The following TTC14 variants were observed in gnomAD, a reference collection of about 807,000 sequenced individuals.
The protein encoded by TTC14 is tetratricopeptide repeat protein 14.
In TTC14, 63 loss-of-function variants were observed where a neutral mutation model predicts 79.9. The observed-to-expected ratio is 0.79, with a 90% CI of 0.64 to 0.97. The LOEUF (loss-of-function observed/expected upper bound fraction) is 0.97, where lower values mean the gene tolerates loss of function less well. Ranked by LOEUF, TTC14 falls within the 50% of genes least tolerant of loss-of-function variation. The probability of loss-of-function intolerance (pLI) is 0.00; values close to 1 mark genes in which losing one functional copy is unlikely to be tolerated. For synonymous variants in TTC14, 335 were observed against 309.6 expected, an observed-to-expected ratio of 1.08 and a Z score of -0.86; for missense variants, 895 against 894.0, an observed-to-expected ratio of 1.00 and a Z score of -0.01.
At chr3:180,605,483 G>A (rs534610746) in intron 6 of TTC14, 108 of 252,414 alleles carry the variant, frequency 4.3e-4, no homozygotes, top group African/African-American at 2.0e-3. Context: ...GGGTTTCACC[G>A]TGTTAGCCAG....
At chr3:180,606,626 T>C in intron 9 of TTC14, 23 bp downstream of exon 9, 4 of 1,599,640 alleles carry the variant, frequency 2.5e-6, no homozygotes, top group Non-Finnish European at 3.4e-6. Flanking sequence ...TTTTGTTTAA[T>C]AGTGGAGGTC....
chr3:180,609,429 A>G (rs923147543), intron 11 of TTC14: 1 of 1,282,138 alleles, frequency 7.8e-7, no homozygotes, highest in Non-Finnish European at 9.8e-7. Flanking sequence ...ATTTGCTTAC[A>G]ATGATACCTG....
At position 180,602,312 on chromosome 3, in the gene TTC14, GCTCT is replaced by G. The variant is rs1560069377; in HGVS notation, c.56_59del (p.Ser19TyrfsTer85). 2.5e-6 allele frequency: 4 copies of G among 1,613,844 alleles called. No homozygotes were observed. The highest frequency in any genetic ancestry group is 2.2e-5 in the South Asian group (2 of 91,084). On this transcript the variant is annotated frameshift_variant, in exon 1 of 12. Transcript: ENST00000296015. LOFTEE classifies it high-confidence loss of function. Reference sequence around the variant, plus strand: ...CGCTAAATTGCCACGGGTCGTCTTTGCTCTCTCTACTTCGGAGCGAACAGCAGGA... The same window carrying G: ...CGCTAAATTGCCACGGGTCGTCTTTGCTCTACTTCGGAGCGAACAGCAGGA...
Position 180,610,491 on chromosome 3 carries a change from T to TAATC in TTC14, c.2264_2267dup (p.Ile757SerfsTer4). On this transcript the variant is annotated frameshift_variant, in exon 12 of 12. Transcript: ENST00000296015. LOFTEE classifies it high-confidence loss of function. The stretch of plus-strand genomic sequence containing the variant: ...TACCTCAGAATTTACTGAATATATT[T>TAATC]AATCAGATAGCTGAATTTGAAAAAG... 6.3e-7 allele frequency: 1 copy of TAATC among 1,591,772 alleles called. No individual in the cohort carries two copies. The highest frequency in any genetic ancestry group is 1.9e-5 in the Admixed American group (1 of 53,656).
Position 180,603,109 on chromosome 3 carries a change from ATTTT to A in TTC14, c.287-6_287-3del. ...AAAACTATCGTTAGTGATTTTGTTA[ATTTT>A]TTTTTTTTAGATCATTATGCAATCA... On this transcript the variant is annotated splice_polypyrimidine_tract_variant and intron_variant, in intron 2 of 11. Coordinates refer to ENST00000296015, the MANE Select transcript of TTC14 (RefSeq NM_133462.4). 8.3e-7 allele frequency: 1 copy of A among 1,204,144 alleles called. No individual in the cohort carries two copies. Among genetic ancestry groups the A allele is most frequent in the Non-Finnish European group, 1.2e-6 (1 of 862,978 alleles). 74.6% of individuals were successfully genotyped at this position (1,204,144 alleles called of 1,614,324 possible).
Position 180,610,212 on chromosome 3 carries a change from G to A in TTC14, c.1983G>A (p.Trp661Ter), listed in dbSNP as rs1365419264. 1.2e-6 allele frequency: 2 copies of A among 1,613,908 alleles called. No homozygotes were observed. Among genetic ancestry groups the A allele is most frequent in the South Asian group, 2.2e-5 (2 of 91,060 alleles). The change falls in exon 12 of 12, where the codon TGG (tryptophan) becomes TGA (stop). Residue 661 changes from tryptophan (W) to a stop codon, truncating the protein, a stop_gained. Coordinates refer to ENST00000296015, the MANE Select transcript of TTC14 (RefSeq NM_133462.4). LOFTEE classifies it high-confidence loss of function. Reference sequence around the variant, plus strand: ...GAAGAAAAGAGCACTATAGAAGGTGGGAACCAGGTTCTGTGAGGCATTCTA... The same window carrying A: ...GAAGAAAAGAGCACTATAGAAGGTGAGAACCAGGTTCTGTGAGGCATTCTA... ...IEGRKEHYRRWEPGSVRHSTS... is the reference protein window; with the variant it reads ...IEGRKEHYRR
intron 12 of TTC14, chr3:180,616,988 G>A (rs766044731): frequency 9.5e-6 from 11 of 1,163,286 alleles, no homozygotes; most frequent in Non-Finnish European, 3.5e-6. Flanking sequence ...ATATTAACAT[G>A]TATTTTTTAG....
intron 12 of TTC14, chr3:180,616,793 T>C: frequency 6.3e-7 from 1 of 1,599,090 alleles, no homozygotes; most frequent in Non-Finnish European, 8.5e-7. Context: ...AAAATGTAAA[T>C]ATGAAAGGTC....
chr3:180,608,562 A>T (rs1372956047), intron 10 of TTC14, 139 bp from the exon 11 acceptor site: 4 of 1,273,976 alleles, frequency 3.1e-6, no homozygotes, highest in Non-Finnish European at 4.0e-6. Flanking sequence ...TGTTAAAAAA[A>T]TACTGTTTAA....
chr3:180,616,695 ACT>A lies in TTC14; in HGVS notation c.1775-684_1775-683del. On this transcript the variant is annotated intron_variant, in intron 12 of 12. Coordinates refer to the TTC14 transcript ENST00000382584. ...CGGATTTCCTTTGTGAGTTTTGCAC[ACT>A]GTTGGTAAATAATAGTCAATTATTC... 1.9e-6 allele frequency: 3 copies of A among 1,584,950 alleles called. No homozygotes were observed. In the East Asian group the frequency reaches 6.8e-5, roughly 36 times the overall value.
chr3:180,606,002 TTAACAGA>T (rs1716662667), intron 7 of TTC14, 165 bp downstream of exon 7: 2 of 842,632 alleles, frequency 2.4e-6, no homozygotes, highest in Non-Finnish European at 3.7e-6. Context: ...CATTTTACAC[TTAACAGA>T]TAAGTTTTAC....
intron 3 of TTC14, chr3:180,603,800 C>T (rs1003325434): frequency 1.8e-5 from 4 of 217,270 alleles, no homozygotes; most frequent in Admixed American, 5.3e-5. Context: ...TAATGTGTCA[C>T]GATAAAAGAT....
chr3:180,617,189 C>T (rs192657907), intron 12 of TTC14, among the ~76,000 whole-genome samples: 6 of 152,110 alleles, frequency 3.9e-5, no homozygotes, highest in Admixed American at 6.6e-5. Context: ...TGTTACCTAG[C>T]GACATTGTAA....
At position 180,606,581 on chromosome 3, in the gene TTC14, A is replaced by T. The variant is rs780894286; in HGVS notation, c.1150A>T (p.Thr384Ser). The T allele has an allele frequency of 6.2e-7, 1 of 1,613,942 alleles. No homozygotes were observed. The highest frequency in any genetic ancestry group is 8.5e-7 in the Non-Finnish European group (1 of 1,179,900). The change falls in exon 9 of 12, where the codon ACA becomes TCA. Residue 384 changes from threonine (T) to serine (S), a missense_variant. By Grantham distance (58) the Thr-to-Ser change is moderately conservative. Transcript: ENST00000296015. ...HRNARKYLCQ[T>S]LVERGGQLEE... ...AAATGCAAGAAAATACCTCTGCCAG[A>T]CACTTGTAGAGAGAGGAGGACAGTA...
chr3:180,611,027 T>C lies in TTC14; in HGVS notation c.*485T>C, dbSNP rs953925691. 1.4e-5 allele frequency: 13 copies of C among 939,822 alleles called. No individual in the cohort carries two copies. The highest frequency in any genetic ancestry group is 1.6e-5 in the Non-Finnish European group (13 of 788,478). 58.2% of individuals were successfully genotyped at this position (939,822 alleles called of 1,614,324 possible). A position where few individuals can be genotyped will look rare whatever the true frequency, so the allele number is the denominator to read the frequency against. ...ACTTTTATATTTATCAGTTTAAATA[T>C]TACATTTTTTGCCCAATTTTTTTTA... On this transcript the variant is annotated 3_prime_UTR_variant, in exon 12 of 12. Coordinates refer to ENST00000296015, the MANE Select transcript of TTC14 (RefSeq NM_133462.4).
rs915277711 is a variant in TTC14 at position 180,604,546 on chromosome 3, C to T, written c.640C>T (p.Pro214Ser). The T allele has an allele frequency of 1.9e-6, 3 of 1,610,320 alleles. No homozygotes were observed. Among genetic ancestry groups the T allele is most frequent in the African/African-American group, 2.7e-5 (2 of 74,756 alleles). ...AVSLYSSSLP[P>S]HLSGIKLGVI... is the part of the protein sequence containing the mutation. ...ATCTCTGTATAGCTCTTCTCTTCCA[C>T]CACACCTATCTGGTATTAAATTAGG... The change falls in exon 5 of 12, where the codon CCA becomes TCA. Residue 214 changes from proline to serine, a missense_variant. Coordinates refer to ENST00000296015, the MANE Select transcript of TTC14 (RefSeq NM_133462.4).
chr3:180,606,531 C>T lies in TTC14; in HGVS notation c.1100C>T (p.Ala367Val), dbSNP rs774392013. Residue 367 changes from alanine (A) to valine (V), a missense_variant, in exon 9 of 12, where the codon GCA becomes GTA. Physicochemically the swap from Ala to Val is moderately conservative, Grantham distance 64. Coordinates refer to ENST00000296015, the MANE Select transcript of TTC14 (RefSeq NM_133462.4). ...AAAGCAATAGAAGATTTTGAGCTTG[C>T]ATTAGAAAACTGTCCAACTCACAGA... ...LNKAIEDFEL[A>V]LENCPTHRNA... is the part of the protein sequence containing the mutation. 2 of 1,613,930 alleles carry T rather than the reference C, an allele frequency of 1.2e-6. No homozygotes were observed. The highest frequency in any genetic ancestry group is 1.7e-6 in the Non-Finnish European group (2 of 1,179,904).
In TTC14 at chr3:180,609,674, C is replaced by A; in HGVS notation, c.1445C>A (p.Ser482Tyr). ...RRKSTSSSSV[S>Y]SADESVSSSS... ...AAATCAACTTCTTCTTCAAGTGTTT[C>A]TTCTGCTGATGAATCAGTGTCTTCA... The change falls in exon 12 of 12, where the codon TCT becomes TAT. Residue 482 changes from serine (S) to tyrosine (Y), a missense_variant. Ser to Tyr is a moderately radical substitution (Grantham distance 144). Coordinates refer to ENST00000296015, the MANE Select transcript of TTC14 (RefSeq NM_133462.4). 6.3e-7 allele frequency: 1 copy of A among 1,589,802 alleles called. No individual in the cohort carries two copies. The highest frequency in any genetic ancestry group is 8.5e-7 in the Non-Finnish European group (1 of 1,173,198).
In TTC14 at chr3:180,604,874, A is replaced by C. The variant is rs1169011525; in HGVS notation, c.724A>C (p.Asn242His). 6.2e-7 allele frequency: 1 copy of C among 1,612,252 alleles called. No individual in the cohort carries two copies. Among genetic ancestry groups the C allele is most frequent in the Admixed American group, 1.7e-5 (1 of 59,350 alleles). Residue 242 changes from asparagine to histidine, a missense_variant, in exon 6 of 12, where the codon AAT (asparagine) becomes CAT (histidine). Asn to His is a moderately conservative substitution (Grantham distance 68). Transcript: ENST00000296015. ...AAGGAGAAGTGTTGAGCTAAATAGC[A>C]ATTCTTTGGAGTCCTATGAAAATGT... is the stretch of plus-strand genomic sequence containing the variant. ...YYRRSVELNS[N>H]SLESYENVMQ...
Sources: gnomAD v4.1 joint callset for allele counts (sites outside exome capture counted in the v4.1 genomes callset) on GRCh38, gnomAD v4.1.1 for gene constraint, MANE v1.5 for transcripts, NCBI Gene and HGNC (gene_info 2026-07-23, HGNC 2026-07-21) for gene names.